The following CHRNA7 variants were observed in gnomAD, a reference collection of about 807,000 sequenced individuals.
CHRNA7 encodes the protein neuronal acetylcholine receptor subunit alpha-7.
A neutral mutation model predicts 48.0 loss-of-function variants in CHRNA7; 17 were observed. The observed-to-expected ratio is 0.35, with a 90% CI of 0.24 to 0.53. The LOEUF is 0.53. Among genes scored for constraint, CHRNA7 ranks in the 20% least tolerant of loss-of-function variants. CHRNA7 has a pLI of 0.92. For synonymous variants in CHRNA7, 75 were observed against 242.3 expected, an observed-to-expected ratio of 0.31 and a Z score of 6.41; for missense variants, 155 against 577.7, an observed-to-expected ratio of 0.27 and a Z score of 7.50.
intron 2 of CHRNA7, among the ~76,000 whole-genome samples, chr15:32,048,864 G>A (rs1328171448): frequency 6.6e-6 from 1 of 151,692 alleles, no homozygotes; most frequent in Non-Finnish European, 1.5e-5. Flanking sequence ...ATTCTGGTAT[G>A]TTGTGTCTTT....
Position 32,168,637 on chromosome 15 carries a change from T to TTA in CHRNA7, c.*180_*181insAT, listed in dbSNP as rs1484885464. On this transcript the variant is annotated 3_prime_UTR_variant, in exon 10 of 10. Transcript: ENST00000306901. ...CTTTAGGTAGTAGAATCTCAGCACT[T>TTA]TGTTTCATATTCTCAGATGGGCTGA... is the stretch of plus-strand genomic sequence containing the variant. The TTA allele has an allele frequency of 1.8e-5, 4 of 226,252 alleles. No individual in the cohort carries two copies. The highest frequency in any genetic ancestry group is 2.3e-5 in the Non-Finnish European group (3 of 131,832). The allele number at this position is 226,252 out of a possible 1,614,324, so 14.0% of individuals were successfully genotyped here.
intron 2 of CHRNA7, among the ~76,000 whole-genome samples, chr15:32,041,615 CCTT>C: frequency 6.6e-6 from 1 of 152,360 alleles, no homozygotes; most frequent in East Asian, 1.9e-4. Context: ...TACTTCTTCT[CCTT>C]CTCGCATTCC....
intron 2 of CHRNA7, among the ~76,000 whole-genome samples, chr15:32,047,313 T>A (rs190273561): frequency 8.0e-5 from 12 of 149,722 alleles, no homozygotes; most frequent in African/African-American, 3.0e-4. Context: ...GCATAGAATG[T>A]TCTTCCATTT....
rs375844242 is a variant in CHRNA7, at chr15:32,030,599, G to A, written c.5G>A (p.Arg2His). The A allele has an allele frequency of 4.1e-4, 634 of 1,552,698 alleles. 3 individuals are homozygous for A. The South Asian group carries it at 6.6e-3, about 16-fold the overall frequency. The part of the protein sequence containing the change: M[R>H]CSPGGVWLAL... ...GCTGCAGCTCCGGGACTCAACATGCGCTGCTCGCCGGGAGGCGTCTGGCTG... is the reference window on the plus strand; with the variant it reads ...GCTGCAGCTCCGGGACTCAACATGCACTGCTCGCCGGGAGGCGTCTGGCTG... Residue 2 changes from arginine to histidine, a missense_variant, in exon 1 of 10, where the codon CGC becomes CAC. Transcript: ENST00000306901.
intron 2 of CHRNA7, among the ~76,000 whole-genome samples, chr15:32,054,488 A>T (rs1337042608): frequency 1.3e-5 from 2 of 152,196 alleles, no homozygotes; most frequent in African/African-American, 4.8e-5. Flanking sequence ...GATATACACT[A>T]ATGTGGCACG....
At chr15:32,091,901 G>T (rs1017684161) in intron 2 of CHRNA7, among the ~76,000 whole-genome samples, 2 of 152,102 alleles carry the variant, frequency 1.3e-5, no homozygotes, top group Non-Finnish European at 2.9e-5. Flanking sequence ...ACATTTGTTT[G>T]ATTTTCTCCA....
At chr15:32,111,007 T>C (rs886478318) in intron 3 of CHRNA7, among the ~76,000 whole-genome samples, 5 of 152,100 alleles carry the variant, frequency 3.3e-5, no homozygotes, top group Admixed American at 3.3e-4. Context: ...GGGGTGGTGC[T>C]GGTTATGTGG....
chr15:32,047,742 C>CT (rs569528242), intron 2 of CHRNA7, among the ~76,000 whole-genome samples: 10 of 152,262 alleles, frequency 6.6e-5, no homozygotes, highest in South Asian at 2.1e-4. Context: ...GCATCCCTGT[C>CT]TGTGCCAGTT....
chr15:32,066,574 C>T (rs2049970747), intron 2 of CHRNA7, among the ~76,000 whole-genome samples: 1 of 152,146 alleles, frequency 6.6e-6, no homozygotes, highest in African/African-American at 2.4e-5. Context: ...GCCACCATGC[C>T]CAGCCACATT....
chr15:32,079,956 T>G (rs570444844), intron 2 of CHRNA7, among the ~76,000 whole-genome samples: 1 of 152,178 alleles, frequency 6.6e-6, no homozygotes, highest in South Asian at 2.1e-4. Context: ...AACAGACACA[T>G]AGACCAATGG....
chr15:32,079,934 T>A (rs557065895), intron 2 of CHRNA7, among the ~76,000 whole-genome samples: 1 of 152,140 alleles, frequency 6.6e-6, no homozygotes, highest in African/African-American at 2.4e-5. Context: ...AACAGGATGG[T>A]ACTGGCACAA....
At chr15:32,034,399 G>A (rs972999725) in intron 2 of CHRNA7, among the ~76,000 whole-genome samples, 3 of 152,152 alleles carry the variant, frequency 2.0e-5, no homozygotes, top group African/African-American at 7.2e-5. Flanking sequence ...GACCAATATA[G>A]TACTGACCAA....
At chr15:32,031,955 AAAGAGGTGAGAG>A in intron 2 of CHRNA7, among the ~76,000 whole-genome samples, 1 of 152,240 alleles carries the variant, frequency 6.6e-6, no homozygotes, top group Middle Eastern at 3.4e-3. Flanking sequence ...GCATGATGGG[AAAGAGGTGAGAG>A]AATAGCCACA....
chr15:32,101,250 T>G, intron 2 of CHRNA7, 53 bp from the exon 3 acceptor site: 1 of 1,569,982 alleles, frequency 6.4e-7, no homozygotes, highest in Non-Finnish European at 8.7e-7. Context: ...TGTCTCATTC[T>G]TTCTTTTGTA....
chr15:32,056,756 A>G (rs1376119346), intron 2 of CHRNA7, among the ~76,000 whole-genome samples: 3 of 152,114 alleles, frequency 2.0e-5, no homozygotes, highest in African/African-American at 7.2e-5. Flanking sequence ...TTATGTTTCT[A>G]TTTCTTGATT....
chr15:32,072,543 G>A (rs1332422246), intron 2 of CHRNA7, among the ~76,000 whole-genome samples: 1 of 152,204 alleles, frequency 6.6e-6, no homozygotes, highest in South Asian at 2.1e-4. Context: ...CAAGACAATG[G>A]GGAAAAGGCC....
chr15:32,053,763 T>G (rs1256747664), intron 2 of CHRNA7, among the ~76,000 whole-genome samples: 1 of 152,216 alleles, frequency 6.6e-6, no homozygotes, highest in African/African-American at 2.4e-5. Flanking sequence ...AAGCAATGAA[T>G]TATACAAAAT....
intron 2 of CHRNA7, among the ~76,000 whole-genome samples, chr15:32,070,656 T>G (rs1359615051): frequency 7.0e-6 from 1 of 142,024 alleles, no homozygotes; most frequent in Non-Finnish European, 1.5e-5. Flanking sequence ...TGTGAACATG[T>G]GAGGTTTAGT....
Position 32,097,070 on chromosome 15 carries a change from T to G in CHRNA7, c.196-4233T>G, listed in dbSNP as rs542751854. Reference sequence around the variant, plus strand: ...GAGTGACATCGCACAGATTGCAGCATGCTCCTCCTCTTCCCACCTGCTGTA... The same window carrying G: ...GAGTGACATCGCACAGATTGCAGCAGGCTCCTCCTCTTCCCACCTGCTGTA... On this transcript the variant is annotated intron_variant, in intron 2 of 9. Coordinates refer to ENST00000306901, the MANE Select transcript of CHRNA7 (RefSeq NM_000746.6). Among the ~76,000 whole-genome samples, 47 of 152,228 alleles carry G rather than the reference T, an allele frequency of 3.1e-4. 1 individual carries two copies. The highest frequency in any genetic ancestry group is 3.4e-3 in the Middle Eastern group (1 of 294).
Sources: gnomAD v4.1 joint callset for allele counts (sites outside exome capture counted in the v4.1 genomes callset) on GRCh38, gnomAD v4.1.1 for gene constraint, MANE v1.5 for transcripts, NCBI Gene and HGNC (gene_info 2026-07-23, HGNC 2026-07-21) for gene names.